The following BMPR2 variants were observed in gnomAD, a reference collection of about 807,000 sequenced individuals.
The protein encoded by BMPR2 is bone morphogenetic protein receptor type-2.
BMPR2 carries 29 observed loss-of-function variants against 100.8 expected under a neutral mutation model. The ratio of observed to expected loss-of-function variants is 0.29; its 90% confidence interval spans 0.21 to 0.39. The LOEUF is 0.39. Among genes scored for constraint, BMPR2 ranks in the 10% least tolerant of loss-of-function variants. BMPR2 has a pLI of 1.00. For synonymous variants in BMPR2, 382 were observed against 442.3 expected, an observed-to-expected ratio of 0.86 and a Z score of 1.71; for missense variants, 1,011 against 1,274.5, an observed-to-expected ratio of 0.79 and a Z score of 3.15.
At chr2:202,393,886 A>AGCGAGAGAGC (rs1185291826) in intron 1 of BMPR2, among the ~76,000 whole-genome samples, 113 of 40,554 alleles carry the variant, frequency 2.8e-3, no homozygotes, top group African/African-American at 0.014. Flanking sequence ...AGAGAGCGAG[A>AGCGAGAGAGC]GAGAGAGAGA....
Position 202,388,580 on chromosome 2 carries a change from C to T in BMPR2, c.76+11030C>T, listed in dbSNP as rs776294402. Reference sequence around the variant, plus strand: ...CGGGCAGATCACGAGGTCAGGATATCGAGACTAGCCTGGCTAACACGGTGA... The same window carrying T: ...CGGGCAGATCACGAGGTCAGGATATTGAGACTAGCCTGGCTAACACGGTGA... On this transcript the variant is annotated intron_variant, in intron 1 of 12. Coordinates refer to ENST00000374580, the MANE Select transcript of BMPR2 (RefSeq NM_001204.7). Among the ~76,000 whole-genome samples the T allele has an allele frequency of 6.6e-5, 10 of 151,394 alleles. 1 individual carries two copies. The highest frequency in any genetic ancestry group is 1.3e-4 in the Admixed American group (2 of 15,150).
rs1378682257 is a variant in BMPR2 at position 202,561,592 on chromosome 2, T to G, written c.*1646T>G. ...ATCAGAGTACTTAGTAAATGTTATA[T>G]AGTTTAGTTCTAAGATAGTTCCAGG... On this transcript the variant is annotated 3_prime_UTR_variant, in exon 13 of 13. Coordinates refer to ENST00000374580, the MANE Select transcript of BMPR2 (RefSeq NM_001204.7). The G allele has an allele frequency of 6.6e-6, 1 of 152,130 alleles. No individual in the cohort carries two copies. The highest frequency in any genetic ancestry group is 1.5e-5 in the Non-Finnish European group (1 of 67,974). The allele number at this position is 152,130 out of a possible 1,614,324, so 9.4% of individuals were successfully genotyped here.
chr2:202,444,148 T>C lies in BMPR2; in HGVS notation c.77-20661T>C, dbSNP rs114864639. Among the ~76,000 whole-genome samples, 603 of 150,842 alleles carry C rather than the reference T, an allele frequency of 4.0e-3. 67 individuals are homozygous for C. Among genetic ancestry groups the C allele is most frequent in the African/African-American group, 0.014 (570 of 40,146 alleles). On this transcript the variant is annotated intron_variant, in intron 1 of 12. Coordinates refer to ENST00000374580, the MANE Select transcript of BMPR2 (RefSeq NM_001204.7). ...AGATACAGTTTTATTCTCTGCTCGC[T>C]TTCTTTTCTGTTAGTCTTGATTATT...
chr2:202,508,017 CAT>C (rs1156636816), intron 3 of BMPR2, among the ~76,000 whole-genome samples: 1 of 149,880 alleles, frequency 6.7e-6, no homozygotes, highest in Non-Finnish European at 1.5e-5. Context: ...CACATTTTAA[CAT>C]ATGTGATATG....
Position 202,561,443 on chromosome 2 carries a change from A to C in BMPR2, c.*1497A>C, listed in dbSNP as rs1413431457. 1 of 151,800 alleles carries C rather than the reference A, an allele frequency of 6.6e-6. No homozygotes were observed. Among genetic ancestry groups the C allele is most frequent in the African/African-American group, 2.4e-5 (1 of 41,350 alleles). 9.4% of individuals were successfully genotyped at this position (151,800 alleles called of 1,614,324 possible). ...ATTACTTATAATCTCCTCTAAAACAACCTCTGCATGTTTTTTTTAAATAAA... is the reference window on the plus strand; with the variant it reads ...ATTACTTATAATCTCCTCTAAAACACCCTCTGCATGTTTTTTTTAAATAAA... On this transcript the variant is annotated 3_prime_UTR_variant, in exon 13 of 13. Coordinates refer to ENST00000374580, the MANE Select transcript of BMPR2 (RefSeq NM_001204.7).
At chr2:202,472,477 G>C (rs1692455292) in intron 3 of BMPR2, among the ~76,000 whole-genome samples, 2 of 152,168 alleles carry the variant, frequency 1.3e-5, no homozygotes, top group African/African-American at 2.4e-5. Flanking sequence ...TGGCTACCAA[G>C]GTGAAACCCC....
chr2:202,423,246 C>T (rs1691306928), intron 1 of BMPR2, among the ~76,000 whole-genome samples: 1 of 152,158 alleles, frequency 6.6e-6, no homozygotes, highest in African/African-American at 2.4e-5. Flanking sequence ...CTTAACACCT[C>T]CTTGGAATAG....
chr2:202,383,640 C>T (rs556275519), intron 1 of BMPR2, among the ~76,000 whole-genome samples: 2 of 150,552 alleles, frequency 1.3e-5, no homozygotes, highest in East Asian at 3.9e-4. Flanking sequence ...TGCCTTTGCA[C>T]TCCAGCCTGG....
intron 3 of BMPR2, among the ~76,000 whole-genome samples, 162 bp downstream of exon 3, chr2:202,467,851 A>C (rs1692358330): frequency 6.6e-6 from 1 of 151,812 alleles, no homozygotes; most frequent in African/African-American, 2.4e-5. Flanking sequence ...CTGAGGTCAG[A>C]GTTTGAGACC....
chr2:202,448,916 T>C (rs1051558343), intron 1 of BMPR2, among the ~76,000 whole-genome samples: 3 of 145,374 alleles, frequency 2.1e-5, no homozygotes, highest in African/African-American at 7.8e-5. Context: ...TTTTGTCAGT[T>C]TAGAATTGGT....
intron 10 of BMPR2, among the ~76,000 whole-genome samples, chr2:202,544,982 A>G (rs1363769055): frequency 6.6e-6 from 1 of 151,284 alleles, no homozygotes; most frequent in Non-Finnish European, 1.5e-5. Context: ...GGCTGGTCTC[A>G]AACTCCTGAA....
chr2:202,378,321 T>C (rs1690198508), intron 1 of BMPR2, among the ~76,000 whole-genome samples: 1 of 152,200 alleles, frequency 6.6e-6, no homozygotes, highest in South Asian at 2.1e-4. Flanking sequence ...AAAGACCTTA[T>C]CTTCTATTTG....
rs1688565525 is a variant in BMPR2, at chr2:202,556,084, A to G, written c.2419A>G (p.Asn807Asp). The change falls in exon 12 of 13, where the codon AAT becomes GAT. Residue 807 changes from asparagine (N) to aspartate (D), a missense_variant. Physicochemically the swap from Asn to Asp is conservative, Grantham distance 23. Coordinates refer to ENST00000374580, the MANE Select transcript of BMPR2 (RefSeq NM_001204.7). ...AEPHVVTVTMNGVAGRNHSVN... is the reference protein window; with the variant it reads ...AEPHVVTVTMDGVAGRNHSVN... ...ACCTCATGTGGTGACAGTCACCATG[A>G]ATGGTGTGGCAGGTAGAAACCACAG... is the stretch of plus-strand genomic sequence containing the variant. 6.2e-7 allele frequency: 1 copy of G among 1,614,120 alleles called. No individual in the cohort carries two copies. The highest frequency in any genetic ancestry group is 1.1e-5 in the South Asian group (1 of 91,088).
rs539607921 is a variant in BMPR2 at position 202,538,503 on chromosome 2, G to T, written c.1277-3808G>T. Among the ~76,000 whole-genome samples, 101 of 149,096 alleles carry T rather than the reference G, an allele frequency of 6.8e-4. 1 individual carries two copies. The highest frequency in any genetic ancestry group is 2.3e-3 in the African/African-American group (95 of 40,464). ...CTATTCAGAGGTCTTAAAACACAGT[G>T]AGGGTGGGCCAGGCACAGTGGCTCA... On this transcript the variant is annotated intron_variant, in intron 9 of 12. Transcript: ENST00000374580.
At chr2:202,555,132 A>G in intron 11 of BMPR2, 120 bp from the exon 12 acceptor site, 1 of 916,252 alleles carries the variant, frequency 1.1e-6, no homozygotes, top group South Asian at 1.5e-5. Context: ...CTTTAGAAAA[A>G]TGTACGTTTG....
chr2:202,445,920 G>A lies in BMPR2; in HGVS notation c.77-18889G>A, dbSNP rs549049331. ...CTCCCGAGTAGCTGAGACTACAGGCGCCCGCCAACACACCTGGCTAATTTT... is the reference window on the plus strand; with the variant it reads ...CTCCCGAGTAGCTGAGACTACAGGCACCCGCCAACACACCTGGCTAATTTT... On this transcript the variant is annotated intron_variant, in intron 1 of 12. Coordinates refer to ENST00000374580, the MANE Select transcript of BMPR2 (RefSeq NM_001204.7). Among the ~76,000 whole-genome samples, 27 of 149,228 alleles carry A rather than the reference G, an allele frequency of 1.8e-4. 1 individual carries two copies. In the South Asian group the frequency reaches 3.8e-3, roughly 21 times the overall value.
chr2:202,535,659 C>T (rs1207083035), intron 9 of BMPR2, among the ~76,000 whole-genome samples: 1 of 151,658 alleles, frequency 6.6e-6, no homozygotes, highest in African/African-American at 2.4e-5. Flanking sequence ...CAGGCAGAGA[C>T]GCTCCTCACT....
At chr2:202,500,182 C>T (rs1355666128) in intron 3 of BMPR2, among the ~76,000 whole-genome samples, 2 of 152,176 alleles carry the variant, frequency 1.3e-5, no homozygotes, top group East Asian at 1.9e-4. Context: ...TTGACTTCCT[C>T]CTGGACACTG....
At position 202,560,207 on chromosome 2, in the gene BMPR2, T is replaced by C. The variant is rs1688656399; in HGVS notation, c.*261T>C. The C allele has an allele frequency of 4.5e-6, 2 of 446,892 alleles. No homozygotes were observed. Among genetic ancestry groups the C allele is most frequent in the Non-Finnish European group, 4.0e-6 (1 of 247,484 alleles). 27.7% of individuals were successfully genotyped at this position (446,892 alleles called of 1,614,324 possible). On this transcript the variant is annotated 3_prime_UTR_variant, in exon 13 of 13. Transcript: ENST00000374580. ...TTTGTCTGTTATGACCACAGAGTTA[T>C]ATGTGTGTGTATCAAAAGTGGTCTC...
Sources: gnomAD v4.1 joint callset for allele counts (sites outside exome capture counted in the v4.1 genomes callset) on GRCh38, gnomAD v4.1.1 for gene constraint, MANE v1.5 for transcripts, NCBI Gene and HGNC (gene_info 2026-07-23, HGNC 2026-07-21) for gene names.